WDR83: variants seen among roughly 807,000 people sequenced by gnomAD.
The protein encoded by WDR83 is WD repeat domain 83.
A neutral mutation model predicts 37.7 loss-of-function variants in WDR83; 37 were observed. That is an observed-to-expected ratio of 0.98 (90% CI 0.76 to 1.29). The LOEUF is 1.29. WDR83 is among the 50% of genes most tolerant of loss of function. The pLI, the probability that WDR83 is intolerant of heterozygous loss-of-function variation, is 0.00. For missense variants in WDR83, 445 were observed against 414.4 expected (o/e 1.07, Z -0.64); for synonymous variants, 174 against 181.1 (o/e 0.96, Z 0.31).
chr19:12,669,300 G>A, intron 2 of WDR83: 1 of 1,605,664 alleles, frequency 6.2e-7, no homozygotes. Context: ...GCTTCCCAGG[G>A]CCCCGATCCA....
At chr19:12,673,408 ATCTTTT>A in intron 10 of WDR83, 92 bp downstream of exon 10, 8 of 266,032 alleles carry the variant, frequency 3.0e-5, no homozygotes, top group East Asian at 1.2e-4. Flanking sequence ...GAAGGCTAGG[ATCTTTT>A]TTTTTTTTTT....
At chr19:12,673,457 G>T (rs563652545) in intron 10 of WDR83, 141 bp downstream of exon 10, 1 of 607,194 alleles carries the variant, frequency 1.6e-6, no homozygotes, top group Non-Finnish European at 2.7e-6. Context: ...TTGCTCTGTC[G>T]CCCAGGCTAG....
intron 1 of WDR83, among the ~76,000 whole-genome samples, chr19:12,667,543 C>T (rs568722919): frequency 2.6e-4 from 40 of 152,322 alleles, no homozygotes; most frequent in Non-Finnish European, 4.9e-4. Flanking sequence ...ATCCCAGCTA[C>T]TTGGGAGACT....
Position 12,669,781 on chromosome 19 carries a change from T to C in WDR83, c.-10T>C, listed in dbSNP as rs1159433577. The C allele has an allele frequency of 1.3e-6, 2 of 1,592,472 alleles. No individual in the cohort carries two copies. The highest frequency in any genetic ancestry group is 1.8e-5 in the Admixed American group (1 of 56,492). ...CCGATTTAAGGCTGCAAGGAAGGAG[T>C]CCTGGGAGCATGGCTTTCCCTGAGC... On this transcript the variant is annotated 5_prime_UTR_variant, in exon 3 of 11. Transcript: ENST00000418543.
At position 12,672,860 on chromosome 19, in the gene WDR83, C is replaced by T. The variant is rs781613855; in HGVS notation, c.520C>T (p.Arg174Cys). ...CCTCTCCTGCAGCTCCGTGGATGGC[C>T]GCGTGAGACGCTATGACCTAAGGAT... ...HEILAGSVDG[R>C]VRRYDLRMGQ... The change falls in exon 8 of 11, where the codon CGC (arginine) becomes TGC (cysteine). Residue 174 changes from arginine (R) to cysteine (C), a missense_variant. Coordinates refer to ENST00000418543, the MANE Select transcript of WDR83 (RefSeq NM_001099737.3). 72 of 1,586,312 alleles carry T rather than the reference C, an allele frequency of 4.5e-5. No homozygotes were observed. Among genetic ancestry groups the T allele is most frequent in the Admixed American group, 1.6e-4 (9 of 55,590 alleles).
chr19:12,670,096 G>T lies in WDR83; in HGVS notation c.223G>T (p.Gly75Cys). 4 of 1,609,694 alleles carry T rather than the reference G, an allele frequency of 2.5e-6. No homozygotes were observed. Among genetic ancestry groups the T allele is most frequent in the Non-Finnish European group, 3.4e-6 (4 of 1,177,140 alleles). ...GHGYEVLDAA[G>C]SFDNSSLCSG... is the part of the protein sequence containing the mutation. Reference sequence around the variant, plus strand: ...CGGCTACGAGGTGCTGGATGCGGCCGGGTGAGCCGGGGACCAGGCTGGGAT... The same window carrying T: ...CGGCTACGAGGTGCTGGATGCGGCCTGGTGAGCCGGGGACCAGGCTGGGAT... Residue 75 changes from glycine (G) to cysteine (C), a missense_variant and splice_region_variant, in exon 4 of 11, where the codon GGC (glycine) becomes TGC (cysteine). By Grantham distance (159) the Gly-to-Cys change is radical (BLOSUM62 -3). Transcript: ENST00000418543.
At chr19:12,667,156 G>T (rs1255212128) in intron 1 of WDR83, among the ~76,000 whole-genome samples, 164 bp downstream of exon 1, 1 of 152,178 alleles carries the variant, frequency 6.6e-6, no homozygotes, top group Admixed American at 6.5e-5. Flanking sequence ...ATACTGTGGG[G>T]ATTGGGACGT....
In WDR83 at chr19:12,668,345, C is replaced by G. The variant is rs753359475; in HGVS notation, c.-156-163C>G. 7 of 1,608,110 alleles carry G rather than the reference C, an allele frequency of 4.4e-6. No homozygotes were observed. In the Admixed American group the frequency reaches 6.8e-5, roughly 16 times the overall value. ...GATAGACAGGGTCCAAAATGTGACC[C>G]TTCTAGGCTGGTATCACCATGGGGG... On this transcript the variant is annotated intron_variant, in intron 1 of 10. Coordinates refer to ENST00000418543, the MANE Select transcript of WDR83 (RefSeq NM_001099737.3).
At chr19:12,668,057 A>T in intron 1 of WDR83, 1 of 346,120 alleles carries the variant, frequency 2.9e-6, no homozygotes, top group Non-Finnish European at 5.6e-6. Context: ...CCCACTGAAC[A>T]GAAGAGGCTG....
At position 12,670,027 on chromosome 19, in the gene WDR83, T is replaced by C; in HGVS notation, c.154T>C (p.Trp52Arg). 6.2e-7 allele frequency: 1 copy of C among 1,613,340 alleles called. No homozygotes were observed. Among genetic ancestry groups the C allele is most frequent in the Non-Finnish European group, 8.5e-7 (1 of 1,179,360 alleles). The change falls in exon 4 of 11, where the codon TGG (tryptophan) becomes CGG (arginine). Residue 52 changes from tryptophan (W) to arginine (R), a missense_variant. Physicochemically the swap from Trp to Arg is moderately radical, Grantham distance 101. Coordinates refer to ENST00000418543, the MANE Select transcript of WDR83 (RefSeq NM_001099737.3). ...CGGCAGTGACAAGACGCTGAAGCTG[T>C]GGAACCCGCTTCGGGGGACGCTGCT... ...TCGSDKTLKL[W>R]NPLRGTLLRT...
chr19:12,674,580 C>T (rs1349328864), intron 10 of WDR83, among the ~76,000 whole-genome samples: 1 of 152,158 alleles, frequency 6.6e-6, no homozygotes, highest in East Asian at 1.9e-4. Flanking sequence ...GGGACATTTT[C>T]AAGGTGGAAA....
Position 12,673,291 on chromosome 19 carries a change from A to T in WDR83, c.773A>T (p.Lys258Met). 1 of 1,613,556 alleles carries T rather than the reference A, an allele frequency of 6.2e-7. No individual in the cohort carries two copies. Among genetic ancestry groups the T allele is most frequent in the Non-Finnish European group, 8.5e-7 (1 of 1,179,750 alleles). Residue 258 changes from lysine to methionine, a missense_variant, in exon 10 of 11, where the codon AAG becomes ATG. Physicochemically the swap from Lys to Met is moderately conservative, Grantham distance 95 (BLOSUM62 -1). Transcript: ENST00000418543. Reference protein sequence around the residue: ...THVVSCSEDGKVFFWDLVEGA... With the variant: ...THVVSCSEDGMVFFWDLVEGA... ...GTGGTCAGCTGTTCTGAGGACGGGA[A>T]GGTGTTCTTCTGGGACCTGGTGGAG...
chr19:12,675,782 G>T lies in WDR83; in HGVS notation c.*110G>T, dbSNP rs759085758. 1 of 1,566,778 alleles carries T rather than the reference G, an allele frequency of 6.4e-7. No homozygotes were observed. The highest frequency in any genetic ancestry group is 1.4e-5 in the African/African-American group (1 of 73,444). ...TGACCAAAAAGTAGGGGAGGGGCTG[G>T]GTCTGCAAATTAATAAATAGAAGAG... On this transcript the variant is annotated 3_prime_UTR_variant, in exon 11 of 11. Coordinates refer to ENST00000418543, the MANE Select transcript of WDR83 (RefSeq NM_001099737.3).
In WDR83 at chr19:12,669,784, T is replaced by C. The variant is rs1175412708; in HGVS notation, c.-7T>C. The C allele has an allele frequency of 5.0e-6, 8 of 1,595,260 alleles. No homozygotes were observed. Among genetic ancestry groups the C allele is most frequent in the African/African-American group, 1.3e-5 (1 of 74,164 alleles). ...ATTTAAGGCTGCAAGGAAGGAGTCC[T>C]GGGAGCATGGCTTTCCCTGAGCCAA... On this transcript the variant is annotated 5_prime_UTR_variant, in exon 3 of 11. Coordinates refer to ENST00000418543, the MANE Select transcript of WDR83 (RefSeq NM_001099737.3).
intron 4 of WDR83, 31 bp from the exon 5 acceptor site, chr19:12,670,149 C>G (rs371368492): frequency 6.8e-5 from 109 of 1,607,488 alleles, no homozygotes; most frequent in Non-Finnish European, 8.5e-5. Context: ...GATCCGAGGT[C>G]GATGCTGATC....
At position 12,673,272 on chromosome 19, in the gene WDR83, A is replaced by G. The variant is rs147877160; in HGVS notation, c.754A>G (p.Ser252Gly). 2.7e-5 allele frequency: 44 copies of G among 1,614,104 alleles called. No individual in the cohort carries two copies. The Middle Eastern group carries it at 2.6e-3, about 97-fold the overall frequency. Residue 252 changes from serine to glycine, a missense_variant, in exon 10 of 11, where the codon AGC (serine) becomes GGC (glycine). Ser to Gly is a moderately conservative substitution (Grantham distance 56). Coordinates refer to ENST00000418543, the MANE Select transcript of WDR83 (RefSeq NM_001099737.3). ...GAGCGAGCGTGACACACATGTGGTC[A>G]GCTGTTCTGAGGACGGGAAGGTGTT... ...CLSERDTHVVSCSEDGKVFFW... is the reference protein window; with the variant it reads ...CLSERDTHVVGCSEDGKVFFW...
At chr19:12,673,378 C>A (rs1409074668) in intron 10 of WDR83, 62 bp downstream of exon 10, 2 of 1,033,196 alleles carry the variant, frequency 1.9e-6, no homozygotes, top group South Asian at 1.3e-5. Context: ...CCTGTCCTTA[C>A]CTCAGTCACT....
chr19:12,671,899 T>C lies in WDR83; in HGVS notation c.507-948T>C, dbSNP rs559223875. On this transcript the variant is annotated intron_variant, in intron 7 of 10. Transcript: ENST00000418543. The stretch of plus-strand genomic sequence containing the variant: ...TTTTAGTAGAGACGGGGTTTCGCCA[T>C]GTTGGCCAGGAGGGTCTCCATCTCT... 2.0e-5 allele frequency among the ~76,000 whole-genome samples: 3 copies of C among 152,248 alleles called. No homozygotes were observed. The East Asian group carries it at 5.9e-4, about 30-fold the overall frequency.
chr19:12,670,676 C>T lies in WDR83; in HGVS notation c.380-19C>T, dbSNP rs566432091. 2.7e-5 allele frequency: 43 copies of T among 1,614,216 alleles called. 1 individual carries two copies. The highest frequency in any genetic ancestry group is 2.4e-4 in the African/African-American group (18 of 75,072). Reference sequence around the variant, plus strand: ...CCTCCCCCTCCAAACCTGACCTCACCATCATGCTGGCCTCACAGGCTCTAT... The same window carrying T: ...CCTCCCCCTCCAAACCTGACCTCACTATCATGCTGGCCTCACAGGCTCTAT... On this transcript the variant is annotated intron_variant, in intron 6 of 10. Transcript: ENST00000418543.
Sources: allele counts gnomAD v4.1 joint callset (sites outside exome capture counted in the v4.1 genomes callset), GRCh38; gene constraint gnomAD v4.1.1; transcripts MANE v1.5; gene names NCBI Gene and HGNC (gene_info 2026-07-23, HGNC 2026-07-21).